Variants in PPA2 observed in about 807,000 individuals in gnomAD.
The protein encoded by PPA2 is inorganic pyrophosphatase 2, mitochondrial.
Under a neutral mutation model 49.5 loss-of-function variants are expected in PPA2, and 48 were observed. The ratio of observed to expected loss-of-function variants is 0.97; its 90% CI spans 0.77 to 1.23. The LOEUF is 1.23. Among genes scored for constraint, PPA2 ranks in the 50% most tolerant of loss-of-function variants. The pLI, the probability that PPA2 is intolerant of heterozygous loss-of-function variation, is 0.00. For synonymous variants in PPA2, 131 were observed against 139.9 expected, an observed-to-expected ratio of 0.94 and a Z score of 0.45; for missense variants, 429 against 410.1, an observed-to-expected ratio of 1.05 and a Z score of -0.40.
intron 11 of PPA2, chr4:105,370,554 G>A: frequency 1.1e-6 from 1 of 948,072 alleles, no homozygotes; most frequent in Non-Finnish European, 1.3e-6. Context: ...AAAATTAAAT[G>A]TATCAGAACT....
chr4:105,463,816 C>A (rs1037777316), intron 1 of PPA2, among the ~76,000 whole-genome samples: 1 of 152,180 alleles, frequency 6.6e-6, no homozygotes, highest in Non-Finnish European at 1.5e-5. Context: ...TGCGGGTGCA[C>A]AGAAGTCAAG....
intron 7 of PPA2, among the ~76,000 whole-genome samples, chr4:105,413,515 T>C (rs1351486597): frequency 6.6e-6 from 1 of 152,000 alleles, no homozygotes; most frequent in East Asian, 1.9e-4. Flanking sequence ...TTTGAAAAAG[T>C]AGAACAAAAG....
At chr4:105,395,045 T>C (rs1251874199) in intron 9 of PPA2, among the ~76,000 whole-genome samples, 1 of 151,978 alleles carries the variant, frequency 6.6e-6, no homozygotes, top group African/African-American at 2.4e-5. Flanking sequence ...ATTATTTATA[T>C]TAGAAACAAT....
chr4:105,460,371 G>T (rs1318683517), intron 1 of PPA2, among the ~76,000 whole-genome samples: 2 of 149,204 alleles, frequency 1.3e-5, no homozygotes, highest in Non-Finnish European at 2.9e-5. Flanking sequence ...GGAGTGCATA[G>T]GTCATATGTA....
At chr4:105,418,695 T>C (rs934032164) in intron 7 of PPA2, among the ~76,000 whole-genome samples, 1 of 152,236 alleles carries the variant, frequency 6.6e-6, no homozygotes, top group East Asian at 1.9e-4. Context: ...AAACAGTTAT[T>C]GCAGCACAAC....
intron 9 of PPA2, among the ~76,000 whole-genome samples, chr4:105,391,327 C>G (rs1733910244): frequency 8.3e-6 from 1 of 121,176 alleles, no homozygotes; most frequent in Non-Finnish European, 1.6e-5. Flanking sequence ...GCACATGTAT[C>G]CTGGAACTTA....
intron 10 of PPA2, among the ~76,000 whole-genome samples, chr4:105,379,425 G>GTAGATAGATAGATAGA (rs369483034): frequency 1.6e-4 from 23 of 140,216 alleles, no homozygotes; most frequent in South Asian, 7.1e-4. Context: ...ATCAATATGT[G>GTAGATAGATAGATAGA]TAGATAGATA....
chr4:105,391,687 G>T (rs1733927970), intron 9 of PPA2, among the ~76,000 whole-genome samples: 1 of 152,176 alleles, frequency 6.6e-6, no homozygotes, highest in Non-Finnish European at 1.5e-5. Context: ...GGGATAGGAA[G>T]GAAGAGCCCA....
chr4:105,377,554 T>A (rs1032741175), intron 10 of PPA2, among the ~76,000 whole-genome samples: 1 of 152,172 alleles, frequency 6.6e-6, no homozygotes, highest in Non-Finnish European at 1.5e-5. Flanking sequence ...GTCATTAGAC[T>A]AACATTGACC....
rs564261384 is a variant in PPA2, at chr4:105,429,669, C to A, written c.529-5347G>T. Among the ~76,000 whole-genome samples the A allele has an allele frequency of 5.3e-5, 8 of 152,214 alleles. No homozygotes were observed. In the South Asian group the frequency reaches 1.0e-3, roughly 20 times the overall value. Reference sequence around the variant, plus strand: ...CTTGAAATTTAAGGTATCTACTAGGCCTAGACACTCACACTAAATAGAAAA... The same window carrying A: ...CTTGAAATTTAAGGTATCTACTAGGACTAGACACTCACACTAAATAGAAAA... On this transcript the variant is annotated intron_variant, in intron 6 of 11. Coordinates refer to ENST00000341695, the MANE Select transcript of PPA2 (RefSeq NM_176869.3).
intron 6 of PPA2, among the ~76,000 whole-genome samples, chr4:105,434,927 T>C (rs1249362562): frequency 6.6e-6 from 1 of 152,246 alleles, no homozygotes; most frequent in Non-Finnish European, 1.5e-5. Context: ...GGTAGAATTC[T>C]TACAAAACCA....
Position 105,396,251 on chromosome 4 carries a change from AT to A in PPA2, c.866del (p.Asn289IlefsTer22). The A allele has an allele frequency of 6.4e-7, 1 of 1,562,736 alleles. No homozygotes were observed. ...LMKKCNGGAI[N>X]CTNVQISDSP... The stretch of plus-strand genomic sequence containing the variant: ...ACATAGAAAAGACAAATTCTTACCA[AT>A]TTATAGCTCCTCCATTACACTTCTT... On this transcript the variant is annotated frameshift_variant, in exon 9 of 12. Transcript: ENST00000341695. LOFTEE classifies it high-confidence loss of function.
Position 105,446,394 on chromosome 4 carries a change from T to A in PPA2, c.430A>T (p.Thr144Ser). ...PYKGYIWNYG[T>S]LPQTWEDPHE... ...AACAAAAATGTTACCTGAGGGAGGGTACCATAATTCCATATATAACCCTTG... is the reference window on the plus strand; with the variant it reads ...AACAAAAATGTTACCTGAGGGAGGGAACCATAATTCCATATATAACCCTTG... Residue 144 changes from threonine to serine, a missense_variant, in exon 5 of 12, where the codon ACC becomes TCC. Transcript: ENST00000341695. 2 of 1,561,616 alleles carry A rather than the reference T, an allele frequency of 1.3e-6. No homozygotes were observed. Among genetic ancestry groups the A allele is most frequent in the Non-Finnish European group, 1.7e-6 (2 of 1,153,558 alleles).
intron 1 of PPA2, among the ~76,000 whole-genome samples, chr4:105,459,155 T>C (rs1344958296): frequency 6.6e-6 from 1 of 152,166 alleles, no homozygotes; most frequent in Non-Finnish European, 1.5e-5. Flanking sequence ...AACAAGGTAA[T>C]TCCTGAAGGA....
intron 10 of PPA2, among the ~76,000 whole-genome samples, chr4:105,380,547 C>T (rs79091523): frequency 1.1e-3 from 161 of 152,204 alleles, no homozygotes; most frequent in Non-Finnish European, 2.0e-3. Context: ...ATAACACATA[C>T]CTACTCTCTA....
chr4:105,468,563 G>A (rs756317276), intron 1 of PPA2, among the ~76,000 whole-genome samples: 3 of 152,168 alleles, frequency 2.0e-5, no homozygotes, highest in Admixed American at 6.5e-5. Context: ...GAACAGTAGC[G>A]ATGAAAGCCT....
At chr4:105,388,820 G>A (rs1306530393) in intron 9 of PPA2, among the ~76,000 whole-genome samples, 3 of 76,814 alleles carry the variant, frequency 3.9e-5, no homozygotes, top group South Asian at 4.4e-4. Context: ...GCAAGGCAAC[G>A]TCTCCAAAAA....
chr4:105,407,641 C>T (rs1371728182), intron 7 of PPA2, among the ~76,000 whole-genome samples: 1 of 152,138 alleles, frequency 6.6e-6, no homozygotes, highest in Non-Finnish European at 1.5e-5. Flanking sequence ...AAATGGAAGA[C>T]CGTTCAATAA....
In PPA2 at chr4:105,443,502, T is replaced by C. The variant is rs546506047; in HGVS notation, c.441+2881A>G. Among the ~76,000 whole-genome samples the C allele has an allele frequency of 6.4e-4, 96 of 150,524 alleles. 1 individual carries two copies. The highest frequency in any genetic ancestry group is 3.5e-3 in the Middle Eastern group (1 of 288). On this transcript the variant is annotated intron_variant, in intron 5 of 11. Transcript: ENST00000341695. ...ATTCCATAAGCTATCCCATAAGCAA[T>C]TGGCATGATTTCAGCATTCTTAAAA...
Sources: gnomAD v4.1 joint callset for allele counts (sites outside exome capture counted in the v4.1 genomes callset) on GRCh38, gnomAD v4.1.1 for gene constraint, MANE v1.5 for transcripts, NCBI Gene and HGNC (gene_info 2026-07-23, HGNC 2026-07-21) for gene names.